RTL9: variants seen among roughly 807,000 people sequenced by gnomAD.
The protein encoded by RTL9 is retrotransposon Gag-like protein 9.
Under a neutral mutation model 44.7 loss-of-function variants are expected in RTL9, and 19 were observed. That is an observed-to-expected ratio of 0.42 (90% CI 0.30 to 0.62). The LOEUF (loss-of-function observed/expected upper bound fraction) is 0.62. Ranked by LOEUF, RTL9 falls within the 20% of genes least tolerant of loss-of-function variation. The pLI is 0.16. For synonymous variants in RTL9, 407 were observed against 398.9 expected, an observed-to-expected ratio of 1.02 and a Z score of -0.24; for missense variants, 1,105 against 1,080.6, an observed-to-expected ratio of 1.02 and a Z score of -0.32.
At chrX:110,398,073 C>T (rs1279502839) in intron 1 of RTL9, among the ~76,000 whole-genome samples, 1 of 112,020 alleles carries the variant, frequency 8.9e-6, no homozygotes, top group Non-Finnish European at 1.9e-5. Context: ...TCCTCCCACG[C>T]ATAGGCTGAC....
At chrX:110,451,352 G>A in exon 1 of RTL9, 2 of 1,211,846 alleles carry the variant, frequency 1.7e-6, no homozygotes, top group East Asian at 5.9e-5. Context: ...TGTCCAAAGT[G>A]CTAATGACTG....
At chrX:110,421,521 T>C (rs909019041) in intron 1 of RTL9, among the ~76,000 whole-genome samples, 2 of 112,748 alleles carry the variant, frequency 1.8e-5, no homozygotes, top group African/African-American at 6.4e-5. Context: ...GTCAGTATGC[T>C]TAAGCAGGGG....
chrX:110,453,069 A>G (rs750878184), exon 1 of RTL9: 3 of 1,210,858 alleles, frequency 2.5e-6, no homozygotes, highest in South Asian at 3.5e-5. Flanking sequence ...TTATGGAGCC[A>G]TGTCTGCTCC....
At chrX:110,403,248 T>A (rs2068576912) in intron 1 of RTL9, among the ~76,000 whole-genome samples, 1 of 112,264 alleles carries the variant, frequency 8.9e-6, no homozygotes, top group African/African-American at 3.2e-5. Flanking sequence ...GGATGCTTAT[T>A]CTACAAAATT....
At chrX:110,445,710 G>C (rs753626248), upstream of RTL9, among the ~76,000 whole-genome samples, 3 of 112,214 alleles carry the variant, frequency 2.7e-5, no homozygotes, top group South Asian at 3.8e-4. Flanking sequence ...ACCGTCTCTT[G>C]TTTATTCTTA....
intron 1 of RTL9, among the ~76,000 whole-genome samples, chrX:110,363,139 T>C (rs2068275423): frequency 8.9e-6 from 1 of 112,057 alleles, no homozygotes. Flanking sequence ...ATGATCTCCT[T>C]GGCCTTCCAG....
At chrX:110,430,370 T>C (rs933840278) in intron 1 of RTL9, among the ~76,000 whole-genome samples, 1 of 112,590 alleles carries the variant, frequency 8.9e-6, no homozygotes, top group African/African-American at 3.2e-5. Flanking sequence ...TTTGTGTGTA[T>C]TAACTCATTT....
At chrX:110,422,071 G>A (rs1215722306) in intron 1 of RTL9, among the ~76,000 whole-genome samples, 2 of 113,071 alleles carry the variant, frequency 1.8e-5, no homozygotes, top group Non-Finnish European at 3.7e-5. Flanking sequence ...CTGGAAAATG[G>A]GGCTCTGGCT....
At chrX:110,452,945 C>G in exon 1 of RTL9, 2 of 1,211,763 alleles carry the variant, frequency 1.7e-6, no homozygotes, top group Non-Finnish European at 2.2e-6. Context: ...GAACCTCAGA[C>G]CCTGGAGAGA....
intron 1 of RTL9, among the ~76,000 whole-genome samples, chrX:110,386,367 TA>T (rs1003281896): frequency 9.1e-6 from 1 of 110,348 alleles, no homozygotes; most frequent in Non-Finnish European, 1.9e-5. Flanking sequence ...ATTTATTTTT[TA>T]TTATAGCCAT....
intron 1 of RTL9, among the ~76,000 whole-genome samples, chrX:110,377,850 A>G (rs2068388113): frequency 9.2e-6 from 1 of 108,149 alleles, no homozygotes. Context: ...TCTACTAAAA[A>G]TACAAAAAAT....
chrX:110,452,150 C>T (rs2068946744), exon 1 of RTL9: 1 of 1,211,955 alleles, frequency 8.3e-7, no homozygotes, highest in East Asian at 3.0e-5. Flanking sequence ...GAGCAATGTC[C>T]ACCCAACCAG....
At chrX:110,406,667 T>C (rs1446169635) in intron 1 of RTL9, among the ~76,000 whole-genome samples, 1 of 112,188 alleles carries the variant, frequency 8.9e-6, no homozygotes, top group Non-Finnish European at 1.9e-5. Flanking sequence ...TTCTAGATCC[T>C]TGAAGAATCT....
upstream of RTL9, among the ~76,000 whole-genome samples, chrX:110,418,190 C>T (rs941342920): frequency 1.4e-4 from 16 of 112,393 alleles, no homozygotes; most frequent in African/African-American, 5.2e-4. Context: ...TGTAGAGGAA[C>T]AATGTGAAGG....
intron 1 of RTL9, among the ~76,000 whole-genome samples, chrX:110,409,534 C>T (rs945274600): frequency 6.3e-5 from 7 of 111,376 alleles, no homozygotes; most frequent in Non-Finnish European, 1.1e-4. Context: ...AAATGAGGCT[C>T]GAGTATTGTA....
exon 1 of RTL9, chrX:110,453,295 C>A (rs1397085567): frequency 8.3e-7 from 1 of 1,211,818 alleles, no homozygotes; most frequent in East Asian, 3.0e-5. Flanking sequence ...CGAGCCCCAG[C>A]CTCTGGAGGG....
chrX:110,394,839 T>C (rs746600445), intron 1 of RTL9, among the ~76,000 whole-genome samples: 1 of 112,930 alleles, frequency 8.9e-6, no homozygotes, highest in East Asian at 2.8e-4. Flanking sequence ...CTACTAGGCC[T>C]CCAGGAAGAG....
chrX:110,432,570 C>T (rs973421600), intron 1 of RTL9, among the ~76,000 whole-genome samples: 9 of 112,047 alleles, frequency 8.0e-5, no homozygotes, highest in Non-Finnish European at 1.5e-4. Flanking sequence ...CACCTCATTG[C>T]TATCACTCTA....
At position 110,396,601 on chromosome X, in the gene RTL9, TG is replaced by T. The variant is rs1371238291; in HGVS notation, c.-168+37688del. On this transcript the variant is annotated intron_variant, in intron 1 of 2. Coordinates refer to the RTL9 transcript ENST00000520821. ...GCTGGAATTACAGTTTGATGTGTAT[TG>T]GGTACTCACAATGTGCCCTTTTAGG... Among the ~76,000 whole-genome samples, 4 of 111,982 alleles carry T rather than the reference TG, an allele frequency of 3.6e-5. 1 individual carries two copies. The highest frequency in any genetic ancestry group is 7.5e-5 in the Non-Finnish European group (4 of 53,240).
Sources: gnomAD v4.1 joint callset for allele counts (sites outside exome capture counted in the v4.1 genomes callset) on GRCh38, gnomAD v4.1.1 for gene constraint, MANE v1.5 for transcripts, NCBI Gene and HGNC (gene_info 2026-07-23, HGNC 2026-07-21) for gene names.